ZMYM5: variants seen among roughly 807,000 people sequenced by gnomAD.
ZMYM5 encodes zinc finger MYM-type containing 5, also known as zinc finger MYM-type protein 5.
ZMYM5 carries 41 observed loss-of-function variants against 61.8 expected under a neutral mutation model. The observed-to-expected ratio is 0.66, with a 90% CI of 0.52 to 0.86. The LOEUF (loss-of-function observed/expected upper bound fraction) is 0.86. Ranked by LOEUF, ZMYM5 falls within the 40% of genes least tolerant of loss-of-function variation. ZMYM5 has a pLI of 0.00. For synonymous variants in ZMYM5, 257 were observed against 276.4 expected (o/e 0.93, Z 0.70); for missense variants, 706 against 786.7 (o/e 0.90, Z 1.23).
At chr13:19,859,361 A>C (rs530458350) in intron 2 of ZMYM5, among the ~76,000 whole-genome samples, 1 of 151,312 alleles carries the variant, frequency 6.6e-6, no homozygotes, top group African/African-American at 2.4e-5. Flanking sequence ...CCCCACTCTC[A>C]CTCTTCCAAT....
At chr13:19,847,880 C>T (rs1006687432) in intron 4 of ZMYM5, among the ~76,000 whole-genome samples, 1 of 144,672 alleles carries the variant, frequency 6.9e-6, no homozygotes, top group Non-Finnish European at 1.5e-5. Flanking sequence ...GTCTCGATCT[C>T]CTGACCTCGT....
At position 19,824,834 on chromosome 13, in the gene ZMYM5, TG is replaced by T; in HGVS notation, c.1652del (p.Pro551GlnfsTer53). 7.4e-7 allele frequency: 1 copy of T among 1,351,794 alleles called. No individual in the cohort carries two copies. The highest frequency in any genetic ancestry group is 9.9e-7 in the Non-Finnish European group (1 of 1,012,838). The allele number at this position is 1,351,794 out of a possible 1,614,324, so 83.7% of individuals were successfully genotyped here. A position where few individuals can be genotyped will look rare whatever the true frequency, so the allele number is the denominator to read the frequency against. ...VPPQVRNFNF[P>X]KDNTGRKFSE... ...AAAACTTCCTCCCTGTATTATCTTTTGGAAAGTTAAAATTTCTTACTTGAGG... is the reference window on the plus strand; with the variant it reads ...AAAACTTCCTCCCTGTATTATCTTTTGAAAGTTAAAATTTCTTACTTGAGG... On this transcript the variant is annotated frameshift_variant, in exon 8 of 8. Transcript: ENST00000337963. LOFTEE classifies it high-confidence loss of function.
intron 2 of ZMYM5, among the ~76,000 whole-genome samples, chr13:19,856,706 A>T (rs1407249099): frequency 1.3e-5 from 2 of 152,056 alleles, no homozygotes; most frequent in African/African-American, 4.8e-5. Context: ...GCCACTCAGG[A>T]GACTGAGGCA....
In ZMYM5 at chr13:19,859,094, T is replaced by C. The variant is rs543125400; in HGVS notation, c.-11+3305A>G. Among the ~76,000 whole-genome samples the C allele has an allele frequency of 3.3e-5, 5 of 152,034 alleles. No individual in the cohort carries two copies. The South Asian group carries it at 1.0e-3, about 32-fold the overall frequency. ...TTGCAGTGAGCCGAGATCACGCCAC[T>C]GCATTCCAGCCTGGGCAACAAGAGC... is the stretch of plus-strand genomic sequence containing the variant. On this transcript the variant is annotated intron_variant, in intron 2 of 7. Transcript: ENST00000337963.
rs181913640 is a variant in ZMYM5, at chr13:19,842,875, G to A, written c.587-3890C>T. On this transcript the variant is annotated intron_variant, in intron 4 of 7. Transcript: ENST00000337963. Reference sequence around the variant, plus strand: ...CTCGGGAGGCTGAGGCAGCAGAATCGCTTGAATCTGGGAGGCAGAGGTTGC... The same window carrying A: ...CTCGGGAGGCTGAGGCAGCAGAATCACTTGAATCTGGGAGGCAGAGGTTGC... Among the ~76,000 whole-genome samples the A allele has an allele frequency of 7.1e-4, 101 of 141,776 alleles. No individual in the cohort carries two copies. The South Asian group carries it at 0.018, about 25-fold the overall frequency. 93.0% of individuals were successfully genotyped at this position (141,776 alleles called of 152,430 possible).
intron 7 of ZMYM5, among the ~76,000 whole-genome samples, chr13:19,831,285 CCTG>C (rs1230766924): frequency 9.1e-6 from 1 of 110,318 alleles, no homozygotes; most frequent in Non-Finnish European, 2.1e-5. Context: ...TGTCACCATG[CCTG>C]CTAATTTTTA....
At chr13:19,829,547 T>C (rs1891098485) in intron 7 of ZMYM5, among the ~76,000 whole-genome samples, 1 of 152,146 alleles carries the variant, frequency 6.6e-6, no homozygotes, top group African/African-American at 2.4e-5. Context: ...TGCCTCAGCT[T>C]CCCAAAGTGC....
In ZMYM5 at chr13:19,860,442, GTGTGTA is replaced by G. The variant is rs1164362627; in HGVS notation, c.-11+1951_-11+1956del. Among the ~76,000 whole-genome samples, 340 of 112,278 alleles carry G rather than the reference GTGTGTA, an allele frequency of 3.0e-3. 2 individuals carry two copies. The highest frequency in any genetic ancestry group is 5.9e-3 in the African/African-American group (189 of 31,846). The allele number at this position is 112,278 out of a possible 152,430, so 73.7% of individuals were successfully genotyped here. Reference sequence around the variant, plus strand: ...GGCCCGGCTAATTTTGTGTGTGTGTGTGTGTATGTGTGTGTGTGTGTGTGTGTGTAT... The same window carrying G: ...GGCCCGGCTAATTTTGTGTGTGTGTGTGTGTGTGTGTGTGTGTGTGTGTAT... On this transcript the variant is annotated intron_variant, in intron 2 of 7. Coordinates refer to ENST00000337963, the MANE Select transcript of ZMYM5 (RefSeq NM_001142684.2).
At chr13:19,837,402 C>T in intron 6 of ZMYM5, 5 of 1,472,364 alleles carry the variant, frequency 3.4e-6, no homozygotes, top group Non-Finnish European at 4.5e-6. Flanking sequence ...CAAAATCCAC[C>T]ATAAAACAAT....
chr13:19,839,685 C>A (rs1377055718), intron 4 of ZMYM5, among the ~76,000 whole-genome samples: 2 of 152,160 alleles, frequency 1.3e-5, no homozygotes, highest in African/African-American at 4.8e-5. Context: ...CTAATCACAT[C>A]TTTCTGTCTA....
At chr13:19,849,811 C>G (rs752068125) in intron 4 of ZMYM5, among the ~76,000 whole-genome samples, 16 of 151,894 alleles carry the variant, frequency 1.1e-4, no homozygotes, top group Non-Finnish European at 2.1e-4. Context: ...GAAACCCCAT[C>G]TCTACTAAGA....
At chr13:19,851,114 C>G (rs1347274114) in intron 4 of ZMYM5, among the ~76,000 whole-genome samples, 1 of 151,444 alleles carries the variant, frequency 6.6e-6, no homozygotes, top group Non-Finnish European at 1.5e-5. Context: ...GAGGCTCAGG[C>G]AGGAAAAAAA....
intron 4 of ZMYM5, among the ~76,000 whole-genome samples, chr13:19,841,048 C>G (rs1281663025): frequency 6.8e-6 from 1 of 147,834 alleles, no homozygotes; most frequent in Admixed American, 7.0e-5. Context: ...ACTGCAACCT[C>G]CGCCTCCCAG....
intron 4 of ZMYM5, among the ~76,000 whole-genome samples, chr13:19,842,486 A>G (rs1318410398): frequency 1.3e-5 from 2 of 152,136 alleles, no homozygotes; most frequent in Admixed American, 6.6e-5. Context: ...GCTTCCTGGT[A>G]AAACCTAATT....
rs2138613462 is a variant in ZMYM5 at position 19,851,452 on chromosome 13, T to C, written c.493-4A>G. On this transcript the variant is annotated splice_region_variant and splice_polypyrimidine_tract_variant and intron_variant, in intron 3 of 7. Coordinates refer to ENST00000337963, the MANE Select transcript of ZMYM5 (RefSeq NM_001142684.2). ...AAGGTCTTACTCCAGTCTTGGTCTG[T>C]GGAGTTAAAGATGGGGTGTACGTTT... 1 of 1,613,996 alleles carries C rather than the reference T, an allele frequency of 6.2e-7. No individual in the cohort carries two copies. The highest frequency in any genetic ancestry group is 8.5e-7 in the Non-Finnish European group (1 of 1,179,892).
rs1294419969 is a variant in ZMYM5, at chr13:19,824,661, C to T, written c.1826G>A (p.Cys609Tyr). Reference sequence around the variant, plus strand: ...ATGTGATAAATGTTGCCAATCTTTGCACCCATTTTCATTTTTCAGTTGATT... The same window carrying T: ...ATGTGATAAATGTTGCCAATCTTTGTACCCATTTTCATTTTTCAGTTGATT... ...GKNQLKNENG[C>Y]KDWQHLSHIL... is the part of the protein sequence containing the mutation. Residue 609 changes from cysteine to tyrosine, a missense_variant, in exon 8 of 8, where the codon TGC (cysteine) becomes TAC (tyrosine). Cys to Tyr is a radical substitution (Grantham distance 194). Around this residue, in one of 2 missense-constraint regions of ZMYM5, gnomAD observed 226 missense variants for 325.0 expected, o/e 0.70. Transcript: ENST00000337963. The T allele has an allele frequency of 1.5e-6, 2 of 1,327,282 alleles. No homozygotes were observed. The highest frequency in any genetic ancestry group is 1.2e-5 in the South Asian group (1 of 81,536). 82.2% of individuals were successfully genotyped at this position (1,327,282 alleles called of 1,614,324 possible).
rs1253051178 is a variant in ZMYM5, at chr13:19,823,923, C to T, written c.*554G>A. On this transcript the variant is annotated 3_prime_UTR_variant, in exon 8 of 8. Transcript: ENST00000337963. ...GTGCAATCTCAGCTCACTGCAACCT[C>T]TGCCTCCTGGGTTCAAGCGATTCTC... 6.6e-6 allele frequency: 1 copy of T among 152,352 alleles called. No individual in the cohort carries two copies. The highest frequency in any genetic ancestry group is 1.9e-4 in the East Asian group (1 of 5,202). The allele number at this position is 152,352 out of a possible 1,614,324, so 9.4% of individuals were successfully genotyped here. A position where few individuals can be genotyped will look rare whatever the true frequency, so the allele number is the denominator to read the frequency against.
At chr13:19,835,359 C>A (rs965165348) in intron 7 of ZMYM5, 118 bp downstream of exon 7, 1 of 743,326 alleles carries the variant, frequency 1.3e-6, no homozygotes, top group Non-Finnish European at 1.9e-6. Context: ...TGGGACAAAC[C>A]AATGACAGAA....
intron 7 of ZMYM5, among the ~76,000 whole-genome samples, chr13:19,833,024 G>A (rs953627713): frequency 4.6e-5 from 7 of 151,936 alleles, no homozygotes; most frequent in Admixed American, 1.3e-4. Context: ...ACGTACCACC[G>A]TGCCTGGACC....
Sources: gnomAD v4.1 joint callset for allele counts (sites outside exome capture counted in the v4.1 genomes callset) on GRCh38, gnomAD v4.1.1 for gene constraint, gnomAD v4.1.1 regional missense constraint, MANE v1.5 for transcripts, NCBI Gene and HGNC (gene_info 2026-07-23, HGNC 2026-07-21) for gene names.